The following PTPRD variants were observed in gnomAD, a reference collection of about 807,000 sequenced individuals.
PTPRD encodes protein tyrosine phosphatase receptor type D.
Under a neutral mutation model 214.5 loss-of-function variants are expected in PTPRD, and 34 were observed. The observed-to-expected ratio is 0.16, with a 90% confidence interval of 0.12 to 0.21. PTPRD has a LOEUF of 0.21. Among genes scored for constraint, PTPRD ranks in the 10% least tolerant of loss-of-function variants. The pLI is 1.00. For synonymous variants in PTPRD, 1,128 were observed against 845.7 expected, an observed-to-expected ratio of 1.33 and a Z score of -5.79; for missense variants, 2,545 against 2,398.7, an observed-to-expected ratio of 1.06 and a Z score of -1.27.
chr9:8,925,136 A>C (rs1432461404), intron 11 of PTPRD, among the ~76,000 whole-genome samples: 1 of 151,906 alleles, frequency 6.6e-6, no homozygotes, highest in African/African-American at 2.4e-5. Flanking sequence ...CTTACATTAT[A>C]TTTCCTCTGT....
rs529612104 is a variant in PTPRD at position 9,120,676 on chromosome 9, C to T, written c.-143+62628G>A. Among the ~76,000 whole-genome samples, 4 of 152,252 alleles carry T rather than the reference C, an allele frequency of 2.6e-5. 1 individual carries two copies. The highest frequency in any genetic ancestry group is 7.2e-5 in the African/African-American group (3 of 41,526). ...AATTCATCTTCTCAGGTCCCAGCACCGGTGAGTCTGACTGAGTAGATTTGA... is the reference window on the plus strand; with the variant it reads ...AATTCATCTTCTCAGGTCCCAGCACTGGTGAGTCTGACTGAGTAGATTTGA... On this transcript the variant is annotated intron_variant, in intron 10 of 45. Transcript: ENST00000381196.
chr9:8,521,675 A>G (rs887482554), intron 19 of PTPRD, 129 bp from the exon 20 acceptor site: 33 of 1,041,536 alleles, frequency 3.2e-5, no homozygotes, highest in Middle Eastern at 2.1e-4. Context: ...AAAACAAAAC[A>G]TAAAGAAAAA....
rs1041941875 is a variant in PTPRD, at chr9:9,731,883, G to T, written c.-287+2650C>A. 1.2e-4 allele frequency among the ~76,000 whole-genome samples: 18 copies of T among 152,288 alleles called. No homozygotes were observed. The East Asian group carries it at 2.9e-3, about 24-fold the overall frequency. Reference sequence around the variant, plus strand: ...AATGTGTTAGGTATGCTGCAGTAAAGAGAACAAGATGACATTGTTTCCTCA... The same window carrying T: ...AATGTGTTAGGTATGCTGCAGTAAATAGAACAAGATGACATTGTTTCCTCA... On this transcript the variant is annotated intron_variant, in intron 7 of 45. Transcript: ENST00000381196.
At chr9:10,273,402 A>G (rs945963648) in intron 3 of PTPRD, among the ~76,000 whole-genome samples, 6 of 152,258 alleles carry the variant, frequency 3.9e-5, no homozygotes, top group African/African-American at 1.4e-4. Flanking sequence ...ACCATAATAG[A>G]AATAGGGTCT....
intron 5 of PTPRD, among the ~76,000 whole-genome samples, chr9:9,892,551 A>G (rs1020925888): frequency 1.3e-5 from 2 of 152,110 alleles, no homozygotes; most frequent in African/African-American, 4.8e-5. Context: ...TTGGCTTACT[A>G]GTAAGATGGA....
intron 8 of PTPRD, among the ~76,000 whole-genome samples, chr9:9,517,923 G>A (rs1457827985): frequency 6.6e-6 from 1 of 151,380 alleles, no homozygotes; most frequent in Non-Finnish European, 1.5e-5. Context: ...CTTAACCTGT[G>A]TTGTATATGC....
chr9:9,225,479 A>C (rs1255593247), intron 9 of PTPRD, among the ~76,000 whole-genome samples: 1 of 152,014 alleles, frequency 6.6e-6, no homozygotes, highest in Non-Finnish European at 1.5e-5. Flanking sequence ...AAAACAACTC[A>C]TGCTGGTTGC....
chr9:10,417,657 T>C (rs181446859), intron 2 of PTPRD, among the ~76,000 whole-genome samples: 75 of 151,854 alleles, frequency 4.9e-4, no homozygotes, highest in Non-Finnish European at 9.4e-4. Flanking sequence ...TAATGCATGT[T>C]ATTACTTAAT....
chr9:9,876,815 T>G (rs2067013180), intron 5 of PTPRD, among the ~76,000 whole-genome samples: 2 of 152,180 alleles, frequency 1.3e-5, no homozygotes, highest in South Asian at 4.1e-4. Context: ...AATGACGGCA[T>G]GCCATGCATT....
intron 5 of PTPRD, among the ~76,000 whole-genome samples, chr9:9,932,122 G>C (rs1196296398): frequency 6.7e-6 from 1 of 148,490 alleles, no homozygotes; most frequent in Non-Finnish European, 1.5e-5. Context: ...CCACAAAGAT[G>C]GGGAAAAAAC....
At chr9:9,181,891 A>C (rs2099928422) in intron 10 of PTPRD, among the ~76,000 whole-genome samples, 1 of 152,076 alleles carries the variant, frequency 6.6e-6, no homozygotes, top group East Asian at 1.9e-4. Context: ...TTGGACTCCC[A>C]AACAAGTGGC....
chr9:9,450,182 G>T (rs1588756485), intron 8 of PTPRD, among the ~76,000 whole-genome samples: 1 of 151,622 alleles, frequency 6.6e-6, no homozygotes, highest in East Asian at 1.9e-4. Flanking sequence ...GGGCATTTGG[G>T]CTGGTTCCAT....
intron 7 of PTPRD, among the ~76,000 whole-genome samples, chr9:9,722,767 A>C (rs2097984147): frequency 6.6e-6 from 1 of 152,054 alleles, no homozygotes; most frequent in Non-Finnish European, 1.5e-5. Context: ...CTAGTGGGTG[A>C]GAAGCAGTAC....
At chr9:10,491,388 AG>A (rs1273791700) in intron 2 of PTPRD, among the ~76,000 whole-genome samples, 5 of 152,304 alleles carry the variant, frequency 3.3e-5, no homozygotes, top group African/African-American at 1.2e-4. Context: ...CATAAGAATT[AG>A]ATCACTGAAG....
chr9:9,505,575 C>T (rs958082134), intron 8 of PTPRD, among the ~76,000 whole-genome samples: 2 of 151,350 alleles, frequency 1.3e-5, no homozygotes, highest in African/African-American at 2.4e-5. Flanking sequence ...AAAGATATGG[C>T]TCAAGAAGCA....
intron 7 of PTPRD, among the ~76,000 whole-genome samples, chr9:9,648,951 G>A (rs547619219): frequency 2.0e-5 from 3 of 152,004 alleles, no homozygotes; most frequent in African/African-American, 4.8e-5. Flanking sequence ...CAGAAAAACC[G>A]GCTCACCAAG....
At chr9:9,802,125 C>T (rs974159884) in intron 5 of PTPRD, among the ~76,000 whole-genome samples, 1 of 151,950 alleles carries the variant, frequency 6.6e-6, no homozygotes, top group African/African-American at 2.4e-5. Flanking sequence ...TGTTTCATCT[C>T]CTTGAATTGG....
chr9:10,131,473 G>C (rs2098883202), intron 3 of PTPRD, among the ~76,000 whole-genome samples: 1 of 152,152 alleles, frequency 6.6e-6, no homozygotes, highest in Non-Finnish European at 1.5e-5. Context: ...TGTCTAAGAT[G>C]CCACATTCAG....
intron 2 of PTPRD, among the ~76,000 whole-genome samples, chr9:10,563,417 C>T (rs1020012260): frequency 6.6e-5 from 10 of 152,152 alleles, no homozygotes; most frequent in African/African-American, 9.7e-5. Flanking sequence ...GACACAGGCA[C>T]AGATGTGTAC....
Sources: allele counts gnomAD v4.1 joint callset (sites outside exome capture counted in the v4.1 genomes callset), GRCh38; gene constraint gnomAD v4.1.1; transcripts MANE v1.5; gene names NCBI Gene and HGNC (gene_info 2026-07-23, HGNC 2026-07-21).